Variants in TBC1D31 observed in about 807,000 individuals in gnomAD.
The protein encoded by TBC1D31 is TBC1 domain family member 31.
A neutral mutation model predicts 132.9 loss-of-function variants in TBC1D31; 99 were observed. The ratio of observed to expected loss-of-function variants is 0.74; its 90% CI spans 0.63 to 0.88. TBC1D31 has a LOEUF of 0.88. Among genes scored for constraint, TBC1D31 ranks in the 40% least tolerant of loss-of-function variants. The pLI is 0.00. For synonymous variants in TBC1D31, 385 were observed against 419.4 expected (o/e 0.92, Z 1.00); for missense variants, 1,134 against 1,256.6 (o/e 0.90, Z 1.48).
intron 17 of TBC1D31, among the ~76,000 whole-genome samples, 189 bp from the exon 18 acceptor site, chr8:123,140,572 A>G (rs1821549370): frequency 6.6e-6 from 1 of 152,150 alleles, no homozygotes; most frequent in Non-Finnish European, 1.5e-5. Flanking sequence ...CAATGCTTTT[A>G]TGGATGAGAG....
chr8:123,074,526 C>G (rs2130581954), intron 1 of TBC1D31, among the ~76,000 whole-genome samples: 1 of 152,286 alleles, frequency 6.6e-6, no homozygotes, highest in South Asian at 2.1e-4. Flanking sequence ...CCACTCCCAC[C>G]TCTGGTATTC....
intron 4 of TBC1D31, among the ~76,000 whole-genome samples, chr8:123,091,254 A>G (rs921828503): frequency 6.6e-6 from 1 of 152,190 alleles, no homozygotes; most frequent in Admixed American, 6.5e-5. Flanking sequence ...ATGAATAATC[A>G]TGTAGGCAAT....
the TBC1D31 span, among the ~76,000 whole-genome samples, chr8:123,163,784 C>T: frequency 2.9e-4 from 44 of 152,116 alleles, no homozygotes; most frequent in African/African-American, 5.8e-4. Flanking sequence ...ATCCGTCACC[C>T]GAAGGAGTGT....
intron 20 of TBC1D31, among the ~76,000 whole-genome samples, chr8:123,148,287 G>A (rs1358065427): frequency 6.6e-6 from 1 of 152,168 alleles, no homozygotes; most frequent in Non-Finnish European, 1.5e-5. Context: ...AAAGTTTCAC[G>A]AGTGAATATC....
chr8:123,159,085 G>C, the TBC1D31 span, among the ~76,000 whole-genome samples: 1 of 152,096 alleles, frequency 6.6e-6, no homozygotes, highest in Non-Finnish European at 1.5e-5. Flanking sequence ...AGATCCAGCT[G>C]TTTCTCCCAG....
intron 7 of TBC1D31, among the ~76,000 whole-genome samples, chr8:123,101,970 C>G (rs947297082): frequency 6.6e-6 from 1 of 152,210 alleles, no homozygotes; most frequent in African/African-American, 2.4e-5. Flanking sequence ...CTGCCTGGCT[C>G]TCAGTGTTCT....
intron 18 of TBC1D31, among the ~76,000 whole-genome samples, chr8:123,141,941 A>G (rs903712441): frequency 7.3e-5 from 10 of 137,888 alleles, no homozygotes; most frequent in South Asian, 2.2e-4. Flanking sequence ...GCTCACTGCA[A>G]CCTCCACCTC....
At chr8:123,162,227 A>G in the TBC1D31 span, among the ~76,000 whole-genome samples, 2 of 152,066 alleles carry the variant, frequency 1.3e-5, no homozygotes, top group Non-Finnish European at 2.9e-5. Context: ...GAATGCGTTC[A>G]TTGATCACCT....
At chr8:123,115,443 G>C (rs947513510) in intron 10 of TBC1D31, among the ~76,000 whole-genome samples, 11 of 152,064 alleles carry the variant, frequency 7.2e-5, no homozygotes, top group Non-Finnish European at 1.5e-4. Context: ...GTATTGTATC[G>C]AATAATAAAA....
chr8:123,128,214 G>T, intron 13 of TBC1D31, 67 bp from the exon 14 acceptor site: 8 of 809,846 alleles, frequency 9.9e-6, no homozygotes, highest in East Asian at 2.5e-5. Context: ...TTAAATTCTT[G>T]TTTTAATTCT....
intron 8 of TBC1D31, among the ~76,000 whole-genome samples, chr8:123,108,475 T>A (rs1818148716): frequency 6.6e-6 from 1 of 152,186 alleles, no homozygotes; most frequent in Admixed American, 6.5e-5. Flanking sequence ...GCTTTAATGC[T>A]AGGAATTGCC....
Position 123,129,197 on chromosome 8 carries a change from AAAT to A in TBC1D31, c.2250_2252del (p.Met751del). On this transcript the variant is annotated inframe_deletion, in exon 15 of 22. Coordinates refer to ENST00000287380, the MANE Select transcript of TBC1D31 (RefSeq NM_145647.4). ...GAAATGCTCTTACAAGAGGAGGAGA[AAAT>A]GATACAACAAAGACAGAGGTATGTG... is the stretch of plus-strand genomic sequence containing the variant. 1 of 1,599,126 alleles carries A rather than the reference AAAT, an allele frequency of 6.3e-7. No homozygotes were observed. The highest frequency in any genetic ancestry group is 1.7e-4 in the Middle Eastern group (1 of 6,020).
chr8:123,091,599 T>C (rs966072283), intron 4 of TBC1D31, among the ~76,000 whole-genome samples: 1 of 152,154 alleles, frequency 6.6e-6, no homozygotes, highest in Non-Finnish European at 1.5e-5. Flanking sequence ...CAGTATCTGA[T>C]GTAGTTGAGT....
intron 17 of TBC1D31, among the ~76,000 whole-genome samples, chr8:123,135,699 G>A (rs1272906273): frequency 1.3e-5 from 2 of 152,160 alleles, no homozygotes; most frequent in African/African-American, 4.8e-5. Flanking sequence ...AAACCATATA[G>A]CATCCATTTA....
At chr8:123,114,002 C>T (rs1409486723) in intron 10 of TBC1D31, among the ~76,000 whole-genome samples, 4 of 152,014 alleles carry the variant, frequency 2.6e-5, no homozygotes, top group Non-Finnish European at 5.9e-5. Flanking sequence ...AACAATACTA[C>T]AAAATAATTG....
At position 123,072,812 on chromosome 8, in the gene TBC1D31, T is replaced by A; in HGVS notation, c.43T>A (p.Trp15Arg). The change falls in exon 1 of 22, where the codon TGG becomes AGG. Residue 15 changes from tryptophan (W) to arginine (R), a missense_variant. Coordinates refer to ENST00000287380, the MANE Select transcript of TBC1D31 (RefSeq NM_145647.4). Reference protein sequence around the residue: ...DLGNKESGKIWHRKPSPATRD... With the variant: ...DLGNKESGKIRHRKPSPATRD... Reference sequence around the variant, plus strand: ...AGGCAACAAGGAGAGCGGCAAGATATGGCACCGCAAGCCGTCCCCGGCCAC... The same window carrying A: ...AGGCAACAAGGAGAGCGGCAAGATAAGGCACCGCAAGCCGTCCCCGGCCAC... The A allele has an allele frequency of 6.4e-7, 1 of 1,574,290 alleles. No homozygotes were observed. The highest frequency in any genetic ancestry group is 8.6e-7 in the Non-Finnish European group (1 of 1,160,488).
chr8:123,077,594 T>A (rs1275555456), intron 2 of TBC1D31, among the ~76,000 whole-genome samples: 1 of 150,812 alleles, frequency 6.6e-6, no homozygotes, highest in Admixed American at 6.7e-5. Flanking sequence ...TGCAGTGGGA[T>A]GATCTCAGCT....
chr8:123,161,656 CG>C, the TBC1D31 span, among the ~76,000 whole-genome samples: 1 of 152,064 alleles, frequency 6.6e-6, no homozygotes, highest in Non-Finnish European at 1.5e-5. Context: ...TTGCAAAAGA[CG>C]TAATTACCAG....
At chr8:123,073,958 T>C (rs1814206226) in intron 1 of TBC1D31, among the ~76,000 whole-genome samples, 1 of 152,144 alleles carries the variant, frequency 6.6e-6, no homozygotes, top group Admixed American at 6.5e-5. Flanking sequence ...CGTGCAGGGA[T>C]TACAGGCCTG....
Sources: gnomAD v4.1 joint callset for allele counts (sites outside exome capture counted in the v4.1 genomes callset) on GRCh38, gnomAD v4.1.1 for gene constraint, MANE v1.5 for transcripts, NCBI Gene and HGNC (gene_info 2026-07-23, HGNC 2026-07-21) for gene names.